Variants in KCNIP2 observed in about 807,000 individuals in gnomAD.
The protein encoded by KCNIP2 is potassium voltage-gated channel interacting protein 2, also known as A-type potassium channel modulatory protein KCNIP2.
Under a neutral mutation model 39.0 loss-of-function variants are expected in KCNIP2, and 19 were observed. That is an observed-to-expected ratio of 0.49 (90% CI 0.34 to 0.71). The LOEUF is 0.71. Among genes scored for constraint, KCNIP2 ranks in the 30% least tolerant of loss-of-function variants. The pLI, the probability that KCNIP2 is intolerant of heterozygous loss-of-function variation, is 0.01. For missense variants in KCNIP2, 261 were observed against 346.0 expected (o/e 0.75, Z 1.95); for synonymous variants, 111 against 131.2 (o/e 0.85, Z 1.05).
intron 1 of KCNIP2, among the ~76,000 whole-genome samples, chr10:101,839,342 T>C (rs1233238022): frequency 6.6e-6 from 1 of 152,192 alleles, no homozygotes; most frequent in Non-Finnish European, 1.5e-5. Context: ...TTCTGGACAC[T>C]GAACCCTTCA....
chr10:101,835,381 A>T (rs779981369), intron 1 of KCNIP2, among the ~76,000 whole-genome samples: 14 of 151,896 alleles, frequency 9.2e-5, no homozygotes, highest in Non-Finnish European at 1.3e-4. Context: ...AGGCCACTTA[A>T]CCCCATCAGG....
Position 101,827,242 on chromosome 10 carries a change from C to CT in KCNIP2, c.*110_*111insA. 7.0e-7 allele frequency: 1 copy of CT among 1,422,052 alleles called. No homozygotes were observed. Among genetic ancestry groups the CT allele is most frequent in the Admixed American group, 2.4e-5 (1 of 42,308 alleles). 88.1% of individuals were successfully genotyped at this position (1,422,052 alleles called of 1,614,324 possible). ...CCCCAAGCTCTTGGATCCCTCCAGCCCCCAGGGAGGCGTAGGATGAGGATA... is the reference window on the plus strand; with the variant it reads ...CCCCAAGCTCTTGGATCCCTCCAGCCTCCCAGGGAGGCGTAGGATGAGGATA... On this transcript the variant is annotated 3_prime_UTR_variant, in exon 10 of 10. Coordinates refer to ENST00000356640, the MANE Select transcript of KCNIP2 (RefSeq NM_173191.3).
chr10:101,827,154 C>A lies in KCNIP2; in HGVS notation c.*199G>T. 3 of 1,251,802 alleles carry A rather than the reference C, an allele frequency of 2.4e-6. No homozygotes were observed. Among genetic ancestry groups the A allele is most frequent in the Non-Finnish European group, 3.0e-6 (3 of 985,380 alleles). 77.5% of individuals were successfully genotyped at this position (1,251,802 alleles called of 1,614,324 possible). On this transcript the variant is annotated 3_prime_UTR_variant, in exon 10 of 10. Transcript: ENST00000356640. Reference sequence around the variant, plus strand: ...GAGAGCTGGTGGGAGTTGGGAACACCCCCCGAGATGCACTCTGCCCACTCT... The same window carrying A: ...GAGAGCTGGTGGGAGTTGGGAACACACCCCGAGATGCACTCTGCCCACTCT...
Position 101,843,372 on chromosome 10 carries a change from G to GC in KCNIP2, c.73+123dup, listed in dbSNP as rs2066389469. 2 of 541,888 alleles carry GC rather than the reference G, an allele frequency of 3.7e-6. No individual in the cohort carries two copies. Among genetic ancestry groups the GC allele is most frequent in the Admixed American group, 8.3e-5 (2 of 23,990 alleles). 33.6% of individuals were successfully genotyped at this position (541,888 alleles called of 1,614,324 possible). A position where few individuals can be genotyped will look rare whatever the true frequency, so the allele number is the denominator to read the frequency against. On this transcript the variant is annotated intron_variant, in intron 1 of 9. Transcript: ENST00000356640. The surrounding 1 kb of genome is among the most constrained non-coding windows in gnomAD (Gnocchi z 6.7). ...CCCCAGTGTCCTGCCGCCCAGACCG[G>GC]CCATAAGAGTGCCTGGGAATGGGGC...
At chr10:101,833,415 T>C (rs1217413156) in intron 1 of KCNIP2, among the ~76,000 whole-genome samples, 1 of 152,076 alleles carries the variant, frequency 6.6e-6, no homozygotes, top group Non-Finnish European at 1.5e-5. Context: ...CAAGGGGACT[T>C]GGGAAGCAGG....
In KCNIP2 at chr10:101,840,977, C is replaced by T. The variant is rs570078399; in HGVS notation, c.73+2519G>A. On this transcript the variant is annotated intron_variant, in intron 1 of 9. Coordinates refer to ENST00000356640, the MANE Select transcript of KCNIP2 (RefSeq NM_173191.3). ...ATCTTCTCTTGGCCTTTCTCTCTTC[C>T]GCTCAGACAGGGCCGCTGCTAAACG... Among the ~76,000 whole-genome samples the T allele has an allele frequency of 5.9e-5, 9 of 152,368 alleles. No individual in the cohort carries two copies. The South Asian group carries it at 1.7e-3, about 28-fold the overall frequency.
intron 1 of KCNIP2, among the ~76,000 whole-genome samples, chr10:101,840,067 G>GC (rs1037596954): frequency 1.3e-5 from 2 of 151,872 alleles, no homozygotes; most frequent in Non-Finnish European, 2.9e-5. Flanking sequence ...CGGGGGGGGG[G>GC]GGTGGCGGGG....
chr10:101,840,753 A>C (rs1264934228), intron 1 of KCNIP2, among the ~76,000 whole-genome samples: 1 of 151,548 alleles, frequency 6.6e-6, no homozygotes, highest in Non-Finnish European at 1.5e-5. Context: ...GGTGAGAATG[A>C]CCTCCTAACT....
intron 2 of KCNIP2, chr10:101,830,397 C>A (rs1181342443): frequency 7.8e-7 from 1 of 1,283,296 alleles, no homozygotes; most frequent in East Asian, 5.8e-5. Context: ...GGGAAGGGGG[C>A]GGCCGCACGG....
At chr10:101,839,839 A>T (rs754841624) in intron 1 of KCNIP2, 3 of 1,601,062 alleles carry the variant, frequency 1.9e-6, no homozygotes, top group East Asian at 4.7e-5. Context: ...GCATCGGTTC[A>T]TGGTTTGGCG....
At chr10:101,835,520 G>A (rs1255457502) in intron 1 of KCNIP2, among the ~76,000 whole-genome samples, 1 of 152,140 alleles carries the variant, frequency 6.6e-6, no homozygotes, top group Non-Finnish European at 1.5e-5. Context: ...CTAAAGCCCT[G>A]CCTGCTCCTT....
At chr10:101,831,311 G>T in intron 1 of KCNIP2, 144 bp from the exon 2 acceptor site, 1 of 665,258 alleles carries the variant, frequency 1.5e-6, no homozygotes, top group Non-Finnish European at 2.6e-6. Context: ...TGGCAAGGGT[G>T]GTTGGAATCG....
At chr10:101,832,767 C>T (rs895781156) in intron 1 of KCNIP2, among the ~76,000 whole-genome samples, 2 of 152,138 alleles carry the variant, frequency 1.3e-5, no homozygotes, top group African/African-American at 4.8e-5. Flanking sequence ...TGCCCCCCAC[C>T]CCAGCCCCCT....
rs115983411 is a variant in KCNIP2 at position 101,829,357 on chromosome 10, A to G, written c.224-158T>C. On this transcript the variant is annotated intron_variant, in intron 3 of 9. Transcript: ENST00000356640. Reference sequence around the variant, plus strand: ...GCCCCGAGCCAAGGACACTGAGGTAAGGAGAAAAGATGATGGCCATCTTCG... The same window carrying G: ...GCCCCGAGCCAAGGACACTGAGGTAGGGAGAAAAGATGATGGCCATCTTCG... 2,174 of 931,336 alleles carry G rather than the reference A, an allele frequency of 2.3e-3. 28 individuals are homozygous for G. In the African/African-American group the frequency reaches 0.033, roughly 14 times the overall value. The allele number at this position is 931,336 out of a possible 1,614,324, so 57.7% of individuals were successfully genotyped here.
In KCNIP2 at chr10:101,828,357, CAGGCT is replaced by C; in HGVS notation, c.489+27_489+31del. ...GATCCTGGCCCTGAACTCCAGGAAA[CAGGCT>C]TCCCTGGCCCACCTCGCCCAGCTCA... On this transcript the variant is annotated intron_variant, in intron 6 of 9. Transcript: ENST00000356640. The surrounding 1 kb of genome is among the most constrained non-coding windows in gnomAD (Gnocchi z 6.6). 1 of 1,613,456 alleles carries C rather than the reference CAGGCT, an allele frequency of 6.2e-7. No homozygotes were observed. The highest frequency in any genetic ancestry group is 1.1e-5 in the South Asian group (1 of 91,040).
At position 101,828,485 on chromosome 10, in the gene KCNIP2, G is replaced by A; in HGVS notation, c.419-26C>T. ...CTGCAGGGTGAGTGTGGAGAAGTTG[G>A]CTTCCACACAGGAGAGGACTTCCTC... On this transcript the variant is annotated intron_variant, in intron 5 of 9. Transcript: ENST00000356640. This position sits in a 1 kb window ranked among gnomAD's most constrained non-coding sequence, Gnocchi z 6.6. 6.2e-7 allele frequency: 1 copy of A among 1,612,234 alleles called. No individual in the cohort carries two copies. Among genetic ancestry groups the A allele is most frequent in the East Asian group, 2.2e-5 (1 of 44,864 alleles).
chr10:101,840,959 C>T (rs1441546061), intron 1 of KCNIP2, among the ~76,000 whole-genome samples: 1 of 152,242 alleles, frequency 6.6e-6, no homozygotes. Flanking sequence ...CGCATCTTCT[C>T]TTGGCCTTTC....
chr10:101,829,268 C>T, intron 3 of KCNIP2, 69 bp from the exon 4 acceptor site: 1 of 1,507,878 alleles, frequency 6.6e-7, no homozygotes, highest in Non-Finnish European at 8.9e-7. Context: ...ATCACTGCCC[C>T]ATTCACCCCC....
intron 2 of KCNIP2, chr10:101,830,585 C>A (rs114132090): frequency 0.049 from 28,469 of 576,390 alleles, 842 homozygotes; most frequent in African/African-American, 0.066. Flanking sequence ...ACTGACCACG[C>A]CCACACACGC....
Sources: allele counts gnomAD v4.1 joint callset (sites outside exome capture counted in the v4.1 genomes callset), GRCh38; gene constraint gnomAD v4.1.1; non-coding constraint Gnocchi (gnomAD v3.1); transcripts MANE v1.5; gene names NCBI Gene and HGNC (gene_info 2026-07-23, HGNC 2026-07-21).